Variants in CAPG observed in about 807,000 individuals in gnomAD.
CAPG encodes the protein macrophage-capping protein.
In CAPG, 32 loss-of-function variants were observed where a neutral mutation model predicts 44.6. The observed-to-expected ratio is 0.72, with a 90% CI of 0.54 to 0.96. The LOEUF (loss-of-function observed/expected upper bound fraction) is 0.96. Ranked by LOEUF, CAPG falls within the 50% of genes least tolerant of loss-of-function variation. The pLI, the probability that CAPG is intolerant of heterozygous loss-of-function variation, is 0.00. For missense variants in CAPG, 412 were observed against 438.3 expected, an observed-to-expected ratio of 0.94 and a Z score of 0.54; for synonymous variants, 175 against 179.6, an observed-to-expected ratio of 0.97 and a Z score of 0.20.
At chr2:85,404,283 A>G (rs1687044692) in intron 1 of CAPG, among the ~76,000 whole-genome samples, 2 of 152,078 alleles carry the variant, frequency 1.3e-5, no homozygotes, top group African/African-American at 4.8e-5. Flanking sequence ...CAAAAAAAAA[A>G]AAAACAGGCC....
At chr2:85,408,338 T>TCACACACA (rs71390065) in intron 1 of CAPG, among the ~76,000 whole-genome samples, 12,685 of 129,380 alleles carry the variant, frequency 0.098, 704 homozygotes, top group Non-Finnish European at 0.11. Flanking sequence ...GAAGAATCTG[T>TCACACACA]CACACACACA....
intron 1 of CAPG, among the ~76,000 whole-genome samples, chr2:85,408,381 A>AC (rs1687270368): frequency 1.6e-4 from 9 of 56,584 alleles, no homozygotes; most frequent in African/African-American, 6.0e-4. Context: ...CACACACACA[A>AC]GCCCCCTTAT....
intron 1 of CAPG, among the ~76,000 whole-genome samples, chr2:85,406,532 G>A (rs1433948103): frequency 6.6e-6 from 1 of 152,168 alleles, no homozygotes; most frequent in Non-Finnish European, 1.5e-5. Context: ...CCGCCCCAGT[G>A]ATGTCTGATC....
downstream of CAPG, chr2:85,394,671 C>T (rs1159167916): frequency 1.7e-6 from 1 of 600,840 alleles, no homozygotes; most frequent in African/African-American, 1.9e-5. Flanking sequence ...CAATTGTCAT[C>T]TGTGTGCTAC....
Position 85,398,138 on chromosome 2 carries a change from A to G in CAPG, c.774T>C (p.Thr258=), listed in dbSNP as rs958083125. 6.2e-6 allele frequency: 10 copies of G among 1,613,754 alleles called. No individual in the cohort carries two copies. In the Admixed American group the frequency reaches 1.7e-4, roughly 27 times the overall value. Reference sequence around the variant, plus strand: ...CCACCTTGGTCAGGTTCATCTGTCCAGTGGCATCAGAGACCTGGGGAGGAG... The same window carrying G: ...CCACCTTGGTCAGGTTCATCTGTCCGGTGGCATCAGAGACCTGGGGAGGAG... ...AAALYKVSDA[T]GQMNLTKVAD... The change falls in exon 8 of 10, where the codon ACT becomes ACC. Residue 258 remains threonine, a synonymous_variant. Coordinates refer to ENST00000263867, the MANE Select transcript of CAPG (RefSeq NM_001747.4).
chr2:85,414,503 C>T (rs2104863677), upstream of CAPG, among the ~76,000 whole-genome samples: 1 of 150,848 alleles, frequency 6.6e-6, no homozygotes, highest in East Asian at 2.0e-4. Flanking sequence ...GATCACAGCT[C>T]ACTACAGCCT....
At chr2:85,418,172 CCTGCCAGGCCTGGG>C (rs1314629171) in intron 1 of CAPG, 3 of 152,252 alleles carry the variant, frequency 2.0e-5, no homozygotes. Context: ...CCCAGCCTTG[CCTGCCAGGCCTGGG>C]CTGGGTCTCC....
At chr2:85,401,717 T>C (rs779720878) in intron 3 of CAPG, 34 bp from the exon 4 acceptor site, 3 of 1,613,736 alleles carry the variant, frequency 1.9e-6, no homozygotes, top group African/African-American at 1.3e-5. Context: ...GGCAAGGCCC[T>C]TGTGATCCAT....
downstream of CAPG, chr2:85,394,625 G>A (rs546414567): frequency 2.7e-5 from 14 of 525,904 alleles, no homozygotes; most frequent in African/African-American, 2.5e-4. Context: ...GGACTCCTCT[G>A]TCATGCAAAG....
intron 1 of CAPG, among the ~76,000 whole-genome samples, chr2:85,407,411 T>C (rs550627703): frequency 6.6e-6 from 1 of 152,088 alleles, no homozygotes; most frequent in Middle Eastern, 3.4e-3. Flanking sequence ...ATTTGGGGGC[T>C]TTTGAAAAAC....
intron 7 of CAPG, 130 bp downstream of exon 7, chr2:85,398,560 C>G: frequency 1.3e-6 from 1 of 747,132 alleles, no homozygotes; most frequent in Non-Finnish European, 2.2e-6. Flanking sequence ...TATAACTCCC[C>G]ACCTCCCACC....
intron 1 of CAPG, among the ~76,000 whole-genome samples, chr2:85,407,027 T>G (rs1199540074): frequency 6.6e-6 from 1 of 151,344 alleles, no homozygotes; most frequent in East Asian, 2.0e-4. Context: ...GCCTCCTGAG[T>G]TGAAGCAATT....
At chr2:85,402,038 T>C (rs1040514575) in intron 2 of CAPG, 81 bp from the exon 3 acceptor site, 7 of 1,609,788 alleles carry the variant, frequency 4.3e-6, no homozygotes, top group Middle Eastern at 1.6e-4. Flanking sequence ...GACTGCAGTC[T>C]GGGGATGAGG....
At chr2:85,418,492 A>C (rs1687626406), upstream of CAPG, 1 of 152,304 alleles carries the variant, frequency 6.6e-6, no homozygotes. Flanking sequence ...CCCAGCAGGC[A>C]GTGGGCCGCG....
chr2:85,394,308 C>G (rs1686485999), downstream of CAPG, among the ~76,000 whole-genome samples: 1 of 152,280 alleles, frequency 6.6e-6, no homozygotes, highest in African/African-American at 2.4e-5. Flanking sequence ...TGCAGTGGCC[C>G]TGGGCTCACC....
At chr2:85,400,811 T>C (rs1462741366) in intron 5 of CAPG, among the ~76,000 whole-genome samples, 1 of 152,112 alleles carries the variant, frequency 6.6e-6, no homozygotes, top group Non-Finnish European at 1.5e-5. Flanking sequence ...CCATCTTGGC[T>C]GCCTCCCCAG....
chr2:85,393,765 T>C (rs1173082031), downstream of CAPG, among the ~76,000 whole-genome samples: 1 of 152,176 alleles, frequency 6.6e-6, no homozygotes, highest in Non-Finnish European at 1.5e-5. Context: ...AGGGTTTCCA[T>C]GTTGGCCAGA....
At chr2:85,398,932 G>A in intron 6 of CAPG, 150 bp from the exon 7 acceptor site, 1 of 829,890 alleles carries the variant, frequency 1.2e-6, no homozygotes, top group Non-Finnish European at 1.9e-6. Flanking sequence ...GCTGAGTCCA[G>A]CCCACCCCAC....
chr2:85,396,701 G>A (rs1376021418), intron 8 of CAPG, among the ~76,000 whole-genome samples: 1 of 152,120 alleles, frequency 6.6e-6, no homozygotes, highest in African/African-American at 2.4e-5. Context: ...TTGGTTCCAT[G>A]GGATATGTGC....
Sources: allele counts gnomAD v4.1 joint callset (sites outside exome capture counted in the v4.1 genomes callset), GRCh38; gene constraint gnomAD v4.1.1; transcripts MANE v1.5; gene names NCBI Gene and HGNC (gene_info 2026-07-23, HGNC 2026-07-21).